Variants in CFAP221 observed in about 807,000 individuals in gnomAD.
CFAP221 encodes cilia- and flagella-associated protein 221.
CFAP221 carries 97 observed loss-of-function variants against 113.1 expected under a neutral mutation model. That is an observed-to-expected ratio of 0.86 (90% CI 0.73 to 1.02). CFAP221 has a LOEUF of 1.02. Ranked by LOEUF, CFAP221 falls within the 50% of genes least tolerant of loss-of-function variation. The pLI, the probability that CFAP221 is intolerant of heterozygous loss-of-function variation, is 0.00. For missense variants in CFAP221, 1,025 were observed against 1,013.4 expected (o/e 1.01, Z -0.16); for synonymous variants, 331 against 354.4 (o/e 0.93, Z 0.74).
At chr2:119,655,693 A>G (rs927073813) in intron 23 of CFAP221, among the ~76,000 whole-genome samples, 43 of 152,200 alleles carry the variant, frequency 2.8e-4, no homozygotes, top group African/African-American at 9.6e-4. Flanking sequence ...CCGAGTCTCC[A>G]TCTTAACCCT....
intron 7 of CFAP221, among the ~76,000 whole-genome samples, chr2:119,588,665 A>G (rs1191470273): frequency 6.6e-6 from 1 of 152,164 alleles, no homozygotes; most frequent in African/African-American, 2.4e-5. Context: ...TGCATGATAC[A>G]TGAGATACTT....
chr2:119,589,370 ATC>A (rs1683434861), intron 7 of CFAP221, among the ~76,000 whole-genome samples: 1 of 152,246 alleles, frequency 6.6e-6, no homozygotes, highest in Admixed American at 6.5e-5. Flanking sequence ...CTTGCCAGGC[ATC>A]TGGCTTGACT....
chr2:119,597,531 G>A (rs574357246), intron 7 of CFAP221, among the ~76,000 whole-genome samples: 1 of 152,172 alleles, frequency 6.6e-6, no homozygotes, highest in Admixed American at 6.5e-5. Context: ...CCTAAATCTT[G>A]GAATATTAAA....
intron 5 of CFAP221, among the ~76,000 whole-genome samples, chr2:119,561,087 G>T (rs1681214116): frequency 6.6e-6 from 1 of 152,020 alleles, no homozygotes; most frequent in Non-Finnish European, 1.5e-5. Flanking sequence ...TCAGGAGTTT[G>T]AGACTAGCCT....
intron 6 of CFAP221, among the ~76,000 whole-genome samples, chr2:119,585,976 C>T (rs1683194554): frequency 6.6e-6 from 1 of 152,170 alleles, no homozygotes; most frequent in South Asian, 2.1e-4. Flanking sequence ...CAGCTCTGCT[C>T]AAACCAGATT....
intron 6 of CFAP221, among the ~76,000 whole-genome samples, chr2:119,585,918 A>G (rs1242311616): frequency 6.6e-6 from 1 of 152,200 alleles, no homozygotes; most frequent in Non-Finnish European, 1.5e-5. Flanking sequence ...CCACAGACAG[A>G]TGGGTTCGGA....
chr2:119,619,416 C>A (rs907097464), intron 14 of CFAP221, among the ~76,000 whole-genome samples: 5 of 152,210 alleles, frequency 3.3e-5, no homozygotes, highest in African/African-American at 1.2e-4. Flanking sequence ...TGCTGTTCTG[C>A]AGCCTCTGCT....
chr2:119,551,470 A>C (rs1680422475), intron 3 of CFAP221, among the ~76,000 whole-genome samples: 1 of 152,192 alleles, frequency 6.6e-6, no homozygotes, highest in African/African-American at 2.4e-5. Flanking sequence ...TAGGGGTTCA[A>C]CTTCAATCTT....
At chr2:119,559,865 C>T (rs1380054808) in intron 4 of CFAP221, 63 bp from the exon 5 acceptor site, 2 of 1,482,096 alleles carry the variant, frequency 1.3e-6, no homozygotes, top group East Asian at 2.5e-5. Flanking sequence ...TGTGTTGTCA[C>T]CCCCGGTGCT....
intron 6 of CFAP221, among the ~76,000 whole-genome samples, chr2:119,572,231 A>C (rs940768640): frequency 1.3e-5 from 2 of 152,252 alleles, no homozygotes; most frequent in Non-Finnish European, 2.9e-5. Context: ...TGTAAATAAC[A>C]GAAAGTTGCA....
chr2:119,624,297 A>G (rs1426230161), intron 14 of CFAP221, among the ~76,000 whole-genome samples: 1 of 152,262 alleles, frequency 6.6e-6, no homozygotes, highest in African/African-American at 2.4e-5. Flanking sequence ...CATTAGGGAA[A>G]TGCAAATCAA....
chr2:119,601,457 T>C (rs1684361904), intron 8 of CFAP221, 80 bp downstream of exon 8: 3 of 1,279,616 alleles, frequency 2.3e-6, no homozygotes, highest in Non-Finnish European at 3.1e-6. Flanking sequence ...CATTCTGTCT[T>C]TCTTGTAAAA....
intron 4 of CFAP221, 31 bp downstream of exon 4, chr2:119,559,806 C>T (rs1681092458): frequency 7.4e-6 from 11 of 1,493,390 alleles, no homozygotes; most frequent in East Asian, 4.9e-5. Context: ...TGTTCTCCCA[C>T]GGTGTGGTTG....
chr2:119,561,171 T>G (rs890003620), intron 5 of CFAP221, among the ~76,000 whole-genome samples: 1 of 151,934 alleles, frequency 6.6e-6, no homozygotes, highest in African/African-American at 2.4e-5. Flanking sequence ...GCACCTGTAG[T>G]CCCAGCTACT....
Position 119,656,474 on chromosome 2 carries a change from T to G in CFAP221, c.*4T>G. 1 of 1,607,478 alleles carries G rather than the reference T, an allele frequency of 6.2e-7. No individual in the cohort carries two copies. ...CACATACCTGATTCTAGAATGAAAG[T>G]CACCAGTAGGTCAGTCCCTTCCATT... is the stretch of plus-strand genomic sequence containing the variant. On this transcript the variant is annotated 3_prime_UTR_variant, in exon 24 of 24. Coordinates refer to ENST00000413369, the MANE Select transcript of CFAP221 (RefSeq NM_001271049.2).
At chr2:119,575,691 G>A (rs929264003) in intron 6 of CFAP221, among the ~76,000 whole-genome samples, 1 of 152,228 alleles carries the variant, frequency 6.6e-6, no homozygotes, top group Admixed American at 6.5e-5. Flanking sequence ...CAATAGCATG[G>A]CTGTACTTAA....
chr2:119,618,410 T>G (rs562879244), intron 14 of CFAP221, among the ~76,000 whole-genome samples: 1 of 152,284 alleles, frequency 6.6e-6, no homozygotes, highest in East Asian at 1.9e-4. Flanking sequence ...TGGGACTGTT[T>G]AGACAGTGGG....
rs1684356965 is a variant in CFAP221 at position 119,601,370 on chromosome 2, G to A, written c.784G>A (p.Ala262Thr). The change falls in exon 8 of 24, where the codon GCC becomes ACC. Residue 262 changes from alanine to threonine, a missense_variant. Coordinates refer to ENST00000413369, the MANE Select transcript of CFAP221 (RefSeq NM_001271049.2). ...VFTGTCYPNM[A>T]LPLEEFERLN... Reference sequence around the variant, plus strand: ...CACCGGAACATGCTATCCCAACATGGCCTTACCGTATGGCGTCTTTGCAGT... The same window carrying A: ...CACCGGAACATGCTATCCCAACATGACCTTACCGTATGGCGTCTTTGCAGT... The A allele has an allele frequency of 2.6e-6, 4 of 1,518,252 alleles. No homozygotes were observed. Among genetic ancestry groups the A allele is most frequent in the South Asian group, 1.2e-5 (1 of 81,956 alleles). The allele number at this position is 1,518,252 out of a possible 1,614,324, so 94.0% of individuals were successfully genotyped here.
chr2:119,654,001 A>G (rs1442297948), intron 23 of CFAP221, among the ~76,000 whole-genome samples: 2 of 152,144 alleles, frequency 1.3e-5, no homozygotes, highest in Admixed American at 6.6e-5. Flanking sequence ...CTCATTTATT[A>G]AAGATAATTA....
Sources: gnomAD v4.1 joint callset for allele counts (sites outside exome capture counted in the v4.1 genomes callset) on GRCh38, gnomAD v4.1.1 for gene constraint, MANE v1.5 for transcripts, NCBI Gene and HGNC (gene_info 2026-07-23, HGNC 2026-07-21) for gene names.